The following ITGA8 variants were observed in gnomAD, a reference collection of about 807,000 sequenced individuals.
ITGA8 encodes the protein integrin alpha-8.
ITGA8 carries 91 observed loss-of-function variants against 142.3 expected under a neutral mutation model. That is an observed-to-expected ratio of 0.64 (90% CI 0.54 to 0.76). The LOEUF is 0.76. ITGA8 is among the 30% of genes least tolerant of loss of function. ITGA8 has a pLI of 0.00. For synonymous variants in ITGA8, 505 were observed against 485.2 expected (o/e 1.04, Z -0.54); for missense variants, 1,406 against 1,327.7 (o/e 1.06, Z -0.92).
chr10:15,550,988 G>A (rs1395078543), intron 26 of ITGA8, among the ~76,000 whole-genome samples: 1 of 152,058 alleles, frequency 6.6e-6, no homozygotes, highest in East Asian at 1.9e-4. Flanking sequence ...AAATAGAATA[G>A]AGACATGATG....
At position 15,672,678 on chromosome 10, in the gene ITGA8, C is replaced by A. The variant is rs1274922081; in HGVS notation, c.748G>T (p.Ala250Ser). 6.2e-7 allele frequency: 1 copy of A among 1,613,776 alleles called. No homozygotes were observed. Among genetic ancestry groups the A allele is most frequent in the Non-Finnish European group, 8.5e-7 (1 of 1,179,884 alleles). Residue 250 changes from alanine (A) to serine (S), a missense_variant, in exon 7 of 30, where the codon GCA becomes TCA. Coordinates refer to ENST00000378076, the MANE Select transcript of ITGA8 (RefSeq NM_003638.3). Reference sequence around the variant, plus strand: ...GCCACTTCCGTCTGCTTTTCTCCTGCCAGTTTCCTGAGGATATCCTTGAAT... The same window carrying A: ...GCCACTTCCGTCTGCTTTTCTCCTGACAGTTTCCTGAGGATATCCTTGAAT... The part of the protein sequence containing the change: ...YSFKDILRKL[A>S]GEKQTEVAPA...
intron 3 of ITGA8, among the ~76,000 whole-genome samples, chr10:15,687,155 T>C (rs559324564): frequency 6.6e-6 from 1 of 152,304 alleles, no homozygotes; most frequent in African/African-American, 2.4e-5. Flanking sequence ...TCAAAATCTT[T>C]TTGGGGTTAA....
rs762302127 is a variant in ITGA8 at position 15,672,716 on chromosome 10, A to G, written c.710T>C (p.Ile237Thr). 8 of 1,613,434 alleles carry G rather than the reference A, an allele frequency of 5.0e-6. No homozygotes were observed. Among genetic ancestry groups the G allele is most frequent in the East Asian group, 2.2e-5 (1 of 44,814 alleles). ...GATATCCTTGAATGAGTAATTTGCA[A>G]TGATATCTGCAACACTGGCAGTGAT... ...QVITASVADI[I>T]ANYSFKDILR... Residue 237 changes from isoleucine to threonine, a missense_variant, in exon 7 of 30, where the codon ATT (isoleucine) becomes ACT (threonine). By Grantham distance (89) the Ile-to-Thr change is moderately conservative. Transcript: ENST00000378076.
chr10:15,616,200 T>G (rs1833388281), intron 14 of ITGA8, among the ~76,000 whole-genome samples: 1 of 152,228 alleles, frequency 6.6e-6, no homozygotes, highest in African/African-American at 2.4e-5. Context: ...AAGTGAACAT[T>G]TCAATGCATT....
At chr10:15,647,485 T>G (rs553446423) in intron 11 of ITGA8, among the ~76,000 whole-genome samples, 19 of 135,392 alleles carry the variant, frequency 1.4e-4, no homozygotes, top group Non-Finnish European at 2.3e-4. Context: ...AGACGGAGTC[T>G]CGCTCTGTCG....
At chr10:15,652,033 CT>C (rs1272585199) in intron 11 of ITGA8, among the ~76,000 whole-genome samples, 5 of 152,066 alleles carry the variant, frequency 3.3e-5, no homozygotes, top group African/African-American at 1.2e-4. Context: ...TCAGAAAATA[CT>C]ACGTAATAAA....
intron 25 of ITGA8, among the ~76,000 whole-genome samples, chr10:15,568,388 C>G (rs2131578452): frequency 6.6e-6 from 1 of 152,350 alleles, no homozygotes; most frequent in Middle Eastern, 3.4e-3. Flanking sequence ...CCACAGGTTA[C>G]AGGATGATCC....
intron 2 of ITGA8, among the ~76,000 whole-genome samples, chr10:15,714,607 G>A (rs991703929): frequency 8.5e-5 from 13 of 152,194 alleles, no homozygotes; most frequent in African/African-American, 3.1e-4. Flanking sequence ...TGGGCCTAGT[G>A]CAAGCTTCCT....
intron 26 of ITGA8, among the ~76,000 whole-genome samples, chr10:15,549,729 A>G (rs1040743564): frequency 7.9e-5 from 12 of 152,240 alleles, no homozygotes; most frequent in African/African-American, 2.7e-4. Context: ...TATTATGTGA[A>G]GTAGTTGACT....
chr10:15,534,819 G>GC (rs1305833611), intron 27 of ITGA8, among the ~76,000 whole-genome samples: 2 of 152,210 alleles, frequency 1.3e-5, no homozygotes, highest in Non-Finnish European at 2.9e-5. Context: ...AGCCCTCACA[G>GC]CCCTGGCTCG....
chr10:15,705,514 A>T (rs1023730158), intron 2 of ITGA8, among the ~76,000 whole-genome samples: 7 of 152,110 alleles, frequency 4.6e-5, no homozygotes, highest in African/African-American at 1.7e-4. Context: ...ATTTCCCTCC[A>T]CTCAGAAATT....
At chr10:15,604,025 A>G (rs1833149266) in intron 20 of ITGA8, among the ~76,000 whole-genome samples, 183 bp downstream of exon 20, 1 of 152,194 alleles carries the variant, frequency 6.6e-6, no homozygotes, top group Non-Finnish European at 1.5e-5. Context: ...AAAGAAAGAC[A>G]TTAATACTGT....
chr10:15,586,185 A>C (rs370240972), intron 23 of ITGA8, among the ~76,000 whole-genome samples: 1 of 148,296 alleles, frequency 6.7e-6, no homozygotes, highest in East Asian at 2.0e-4. Flanking sequence ...CAGCCTCCTG[A>C]GTAGCTGGGA....
intron 13 of ITGA8, among the ~76,000 whole-genome samples, chr10:15,626,797 A>T (rs1833591655): frequency 6.6e-6 from 1 of 152,188 alleles, no homozygotes; most frequent in Admixed American, 6.5e-5. Context: ...GGAGAAGATG[A>T]CCATCTACAA....
intron 13 of ITGA8, among the ~76,000 whole-genome samples, chr10:15,631,757 C>G (rs1833689548): frequency 6.6e-6 from 1 of 150,818 alleles, no homozygotes; most frequent in Admixed American, 6.6e-5. Flanking sequence ...GACTCTATGG[C>G]ACAATTGATA....
chr10:15,587,998 C>T (rs1017822246), intron 22 of ITGA8, among the ~76,000 whole-genome samples: 3 of 151,966 alleles, frequency 2.0e-5, no homozygotes, highest in Non-Finnish European at 2.9e-5. Context: ...TTTAGCAAAC[C>T]GAGACACAGC....
chr10:15,590,721 A>G (rs1238746325), intron 22 of ITGA8, among the ~76,000 whole-genome samples: 1 of 152,180 alleles, frequency 6.6e-6, no homozygotes, highest in Non-Finnish European at 1.5e-5. Context: ...CCTTTGATAT[A>G]TTTTTACAGA....
intron 2 of ITGA8, among the ~76,000 whole-genome samples, chr10:15,708,078 A>G (rs866140290): frequency 2.0e-5 from 3 of 151,964 alleles, no homozygotes; most frequent in Middle Eastern, 6.3e-3. Context: ...CGACGGGACA[A>G]AATCTTAGGC....
chr10:15,697,936 G>T (rs1332257850), intron 2 of ITGA8, among the ~76,000 whole-genome samples: 1 of 152,064 alleles, frequency 6.6e-6, no homozygotes, highest in Non-Finnish European at 1.5e-5. Context: ...ATAGGTTTTA[G>T]GGGAACAGGT....
Sources: gnomAD v4.1 joint callset for allele counts (sites outside exome capture counted in the v4.1 genomes callset) on GRCh38, gnomAD v4.1.1 for gene constraint, MANE v1.5 for transcripts, NCBI Gene and HGNC (gene_info 2026-07-23, HGNC 2026-07-21) for gene names.